Variants in GAD2 observed in about 807,000 individuals in gnomAD.
The protein encoded by GAD2 is 65 kDa glutamic acid decarboxylase.
A neutral mutation model predicts 80.1 loss-of-function variants in GAD2; 22 were observed. The observed-to-expected ratio is 0.27, with a 90% CI of 0.20 to 0.39. The LOEUF is 0.39. Among genes scored for constraint, GAD2 ranks in the 10% least tolerant of loss-of-function variants. The pLI, the probability that GAD2 is intolerant of heterozygous loss-of-function variation, is 1.00. For missense variants in GAD2, 624 were observed against 738.4 expected (o/e 0.85, Z 1.80); for synonymous variants, 274 against 256.9 (o/e 1.07, Z -0.64).
intron 4 of GAD2, among the ~76,000 whole-genome samples, chr10:26,222,376 A>G (rs1441687845): frequency 1.3e-5 from 2 of 152,036 alleles, no homozygotes; most frequent in African/African-American, 4.8e-5. Flanking sequence ...ATGAATTATA[A>G]TCCTTATTAA....
chr10:26,283,244 C>T (rs1467000358), intron 12 of GAD2, among the ~76,000 whole-genome samples: 6 of 152,136 alleles, frequency 3.9e-5, no homozygotes, highest in Non-Finnish European at 5.9e-5. Context: ...AACATAGAAG[C>T]TTATTAATGT....
At chr10:26,229,096 A>G (rs576156774) in intron 6 of GAD2, among the ~76,000 whole-genome samples, 10 of 152,090 alleles carry the variant, frequency 6.6e-5, no homozygotes, top group Admixed American at 5.9e-4. Flanking sequence ...TGGGAGGCTG[A>G]GGCAGGAGAA....
Position 26,229,760 on chromosome 10 carries a change from G to A in GAD2, c.823G>A (p.Ala275Thr). The change falls in exon 7 of 16, where the codon GCC becomes ACC. Residue 275 changes from alanine (A) to threonine (T), a missense_variant. Ala to Thr is a moderately conservative substitution (Grantham distance 58). Coordinates refer to ENST00000376261, the MANE Select transcript of GAD2 (RefSeq NM_001134366.2). ...AATGGCTGCTCTTCCCAGGCTCATT[G>A]CCTTCACGTCTGAACATGTATGTGT... The part of the protein sequence containing the change: ...KGMAALPRLI[A>T]FTSEHSHFSL... 1 of 1,612,918 alleles carries A rather than the reference G, an allele frequency of 6.2e-7. No individual in the cohort carries two copies. The highest frequency in any genetic ancestry group is 8.5e-7 in the Non-Finnish European group (1 of 1,178,958).
chr10:26,268,355 C>A (rs1453907226), intron 8 of GAD2, among the ~76,000 whole-genome samples: 1 of 151,808 alleles, frequency 6.6e-6, no homozygotes, highest in African/African-American at 2.4e-5. Flanking sequence ...GTAGTCCCAG[C>A]TACTCGGGAG....
chr10:26,223,576 A>G (rs1238552640), intron 4 of GAD2, among the ~76,000 whole-genome samples: 2 of 152,160 alleles, frequency 1.3e-5, no homozygotes, highest in African/African-American at 2.4e-5. Flanking sequence ...GCAGATTGCA[A>G]ACCATATTTG....
At chr10:26,293,172 CTTTTT>C (rs987030977) in intron 15 of GAD2, among the ~76,000 whole-genome samples, 181 bp downstream of exon 15, 202 of 96,426 alleles carry the variant, frequency 2.1e-3, no homozygotes, top group African/African-American at 8.0e-3. Context: ...CATTTTTCTT[CTTTTT>C]TTTTTTTTTT....
chr10:26,252,285 C>A (rs970406850), intron 8 of GAD2, among the ~76,000 whole-genome samples: 7 of 152,118 alleles, frequency 4.6e-5, no homozygotes, highest in Non-Finnish European at 1.0e-4. Flanking sequence ...TAGTCTGTGT[C>A]TTTCTAGCAA....
chr10:26,270,164 G>A (rs1377555180), intron 9 of GAD2, among the ~76,000 whole-genome samples: 1 of 152,170 alleles, frequency 6.6e-6, no homozygotes, highest in Non-Finnish European at 1.5e-5. Flanking sequence ...GTGCTGAAAC[G>A]TGAAATAAAT....
chr10:26,278,390 T>C (rs1027222133), intron 11 of GAD2, among the ~76,000 whole-genome samples: 1 of 152,264 alleles, frequency 6.6e-6, no homozygotes, highest in Non-Finnish European at 1.5e-5. Flanking sequence ...GCTTACTGCA[T>C]GTTAAGCACA....
chr10:26,295,771 G>T (rs1834267531), intron 15 of GAD2, among the ~76,000 whole-genome samples: 1 of 152,184 alleles, frequency 6.6e-6, no homozygotes, highest in African/African-American at 2.4e-5. Context: ...ACTGCACAGA[G>T]TTCTGTTGGT....
Position 26,217,535 on chromosome 10 carries a change from A to T in GAD2, c.77-75A>T, listed in dbSNP as rs1192927862. 2 of 1,478,288 alleles carry T rather than the reference A, an allele frequency of 1.4e-6. No homozygotes were observed. Among genetic ancestry groups the T allele is most frequent in the East Asian group, 4.9e-5 (2 of 41,046 alleles). 91.6% of individuals were successfully genotyped at this position (1,478,288 alleles called of 1,614,324 possible). A position where few individuals can be genotyped will look rare whatever the true frequency, so the allele number is the denominator to read the frequency against. On this transcript the variant is annotated intron_variant, in intron 1 of 15. Coordinates refer to ENST00000376261, the MANE Select transcript of GAD2 (RefSeq NM_001134366.2). The surrounding 1 kb of genome is among the most constrained non-coding windows in gnomAD (Gnocchi z 4.9). ...GGACCCCGGACTGATTGATTTTCAC[A>T]TAGAACGAAATTTCACACGTCCGTC...
chr10:26,243,036 CA>C (rs202046614), intron 7 of GAD2, among the ~76,000 whole-genome samples: 83 of 136,546 alleles, frequency 6.1e-4, no homozygotes, highest in African/African-American at 2.8e-3. Context: ...GCCAAATGCA[CA>C]AAAAACCCCC....
intron 7 of GAD2, among the ~76,000 whole-genome samples, chr10:26,244,106 ACTAAGCACATGATG>A (rs1174518512): frequency 1.3e-5 from 2 of 152,244 alleles, no homozygotes; most frequent in Non-Finnish European, 2.9e-5. Context: ...ACAAATGGCC[ACTAAGCACATGATG>A]CTAAGCACAA....
chr10:26,250,411 T>A (rs1244119582), intron 8 of GAD2, among the ~76,000 whole-genome samples: 1 of 152,184 alleles, frequency 6.6e-6, no homozygotes, highest in African/African-American at 2.4e-5. Context: ...TCTACTCACA[T>A]ACACCCCTTG....
At chr10:26,289,523 C>T (rs774727269) in intron 13 of GAD2, among the ~76,000 whole-genome samples, 1 of 151,860 alleles carries the variant, frequency 6.6e-6, no homozygotes, top group Non-Finnish European at 1.5e-5. Context: ...TTGATTAGAA[C>T]CAATTTATGC....
intron 3 of GAD2, among the ~76,000 whole-genome samples, chr10:26,218,802 A>G (rs997455237): frequency 6.6e-6 from 1 of 152,234 alleles, no homozygotes; most frequent in Admixed American, 6.5e-5. Flanking sequence ...GGCAAACAAT[A>G]TAAGTTATGA....
intron 6 of GAD2, among the ~76,000 whole-genome samples, chr10:26,228,650 TCAG>T (rs1014405751): frequency 5.9e-5 from 9 of 152,186 alleles, no homozygotes; most frequent in Admixed American, 4.6e-4. Flanking sequence ...TTCTGTCACA[TCAG>T]CAGCCACATG....
chr10:26,280,016 T>C (rs1463392212), intron 11 of GAD2, among the ~76,000 whole-genome samples: 3 of 152,134 alleles, frequency 2.0e-5, no homozygotes, highest in Non-Finnish European at 2.9e-5. Flanking sequence ...GCAAGAACCA[T>C]AGAGGCACAG....
chr10:26,287,575 C>T (rs528933338), intron 13 of GAD2, among the ~76,000 whole-genome samples: 13 of 152,246 alleles, frequency 8.5e-5, no homozygotes, highest in South Asian at 8.3e-4. Context: ...GATGCCAGTC[C>T]GAGGCTGGAT....
Sources: allele counts gnomAD v4.1 joint callset (sites outside exome capture counted in the v4.1 genomes callset), GRCh38; gene constraint gnomAD v4.1.1; non-coding constraint Gnocchi (gnomAD v3.1); transcripts MANE v1.5; gene names NCBI Gene and HGNC (gene_info 2026-07-23, HGNC 2026-07-21).